Variants in CSMD2 observed in about 807,000 individuals in gnomAD.
CSMD2 encodes CUB and sushi domain-containing protein 2.
Under a neutral mutation model 398.5 loss-of-function variants are expected in CSMD2, and 130 were observed. The observed-to-expected ratio is 0.33, with a 90% CI of 0.28 to 0.38. CSMD2 has a LOEUF of 0.38. Among genes scored for constraint, CSMD2 ranks in the 10% least tolerant of loss-of-function variants. The pLI, the probability that CSMD2 is intolerant of heterozygous loss-of-function variation, is 1.00. For missense variants in CSMD2, 3,829 were observed against 4,764.9 expected, an observed-to-expected ratio of 0.80 and a Z score of 5.78; for synonymous variants, 1,828 against 1,908.5, an observed-to-expected ratio of 0.96 and a Z score of 1.10.
rs574581371 is a variant in CSMD2, at chr1:33,982,733, T to A, written c.518-46779A>T. On this transcript the variant is annotated intron_variant, in intron 3 of 70. Transcript: ENST00000373381. ...GGAGCAGCAGGTGCACAGGCAGAGA[T>A]GACCGCAAGGGCATGGCACCCTCAA... 4.6e-5 allele frequency among the ~76,000 whole-genome samples: 7 copies of A among 152,224 alleles called. No homozygotes were observed. The South Asian group carries it at 6.2e-4, about 14-fold the overall frequency.
intron 29 of CSMD2, among the ~76,000 whole-genome samples, chr1:33,645,520 A>G (rs901931076): frequency 6.6e-6 from 1 of 152,328 alleles, no homozygotes; most frequent in Admixed American, 6.5e-5. Flanking sequence ...TCAAGCAAGG[A>G]AGGGAGCTGG....
chr1:33,987,255 G>A (rs1465895901), intron 3 of CSMD2, among the ~76,000 whole-genome samples: 1 of 152,020 alleles, frequency 6.6e-6, no homozygotes, highest in Non-Finnish European at 1.5e-5. Context: ...CTATGCTATA[G>A]GTATGTTAAA....
At chr1:33,982,098 G>A (rs576737863) in intron 3 of CSMD2, among the ~76,000 whole-genome samples, 8 of 152,228 alleles carry the variant, frequency 5.3e-5, no homozygotes, top group South Asian at 2.1e-4. Context: ...GTGACAGGAC[G>A]GTGAAGAAAA....
Position 34,158,576 on chromosome 1 carries a change from A to G in CSMD2, c.187+6335T>C, listed in dbSNP as rs560095089. The stretch of plus-strand genomic sequence containing the variant: ...GGAGCAAAGAGAAAAGACTCCCCCC[A>G]CTGGGTATAGTGGTGCCAGAGAGTG... On this transcript the variant is annotated intron_variant, in intron 1 of 70. Transcript: ENST00000373381. Among the ~76,000 whole-genome samples, 7 of 152,258 alleles carry G rather than the reference A, an allele frequency of 4.6e-5. No homozygotes were observed. The South Asian group carries it at 1.5e-3, about 32-fold the overall frequency.
chr1:33,772,623 C>A lies in CSMD2; in HGVS notation c.1792G>T (p.Ala598Ser), dbSNP rs538186603. The change falls in exon 13 of 71, where the codon GCA (alanine) becomes TCA (serine). Residue 598 changes from alanine (A) to serine (S), a missense_variant. Physicochemically the swap from Ala to Ser is moderately conservative, Grantham distance 99. This residue lies in a region of CSMD2 where 2,001 missense variants were observed against 2,567.1 expected (regional missense o/e 0.78). Transcript: ENST00000373381. ...QPAFELVGQK[A>S]ITCQKNNQWS... ...TGGTTATTCTTTTGGCATGTGATTG[C>A]CTTCTGTCCCACCAGCTCAAAGGCG... The A allele has an allele frequency of 5.6e-6, 9 of 1,614,108 alleles. No individual in the cohort carries two copies. The highest frequency in any genetic ancestry group is 5.0e-5 in the Admixed American group (3 of 60,010).
chr1:33,928,008 A>T (rs562281316), intron 4 of CSMD2, among the ~76,000 whole-genome samples: 1 of 152,330 alleles, frequency 6.6e-6, no homozygotes, highest in East Asian at 1.9e-4. Flanking sequence ...AGAGACTGCC[A>T]GTCCCTGACT....
At chr1:34,121,723 G>A (rs1007335917) in intron 1 of CSMD2, among the ~76,000 whole-genome samples, 3 of 152,286 alleles carry the variant, frequency 2.0e-5, no homozygotes, top group African/African-American at 7.2e-5. Context: ...CCCTCTGGGA[G>A]TGGGACCCTG....
At chr1:34,040,891 G>A (rs1247365606) in intron 2 of CSMD2, among the ~76,000 whole-genome samples, 3 of 152,138 alleles carry the variant, frequency 2.0e-5, no homozygotes, top group East Asian at 3.9e-4. Flanking sequence ...TTGAGAGGCC[G>A]AGGCAGGAGT....
intron 25 of CSMD2, among the ~76,000 whole-genome samples, chr1:33,671,332 A>G (rs1168954723): frequency 6.6e-6 from 1 of 152,006 alleles, no homozygotes; most frequent in Non-Finnish European, 1.5e-5. Flanking sequence ...CATCTTGGGC[A>G]CTCATGATAA....
At chr1:34,127,829 A>C (rs1259710304) in intron 1 of CSMD2, among the ~76,000 whole-genome samples, 1 of 151,936 alleles carries the variant, frequency 6.6e-6, no homozygotes, top group Non-Finnish European at 1.5e-5. Flanking sequence ...TCCTAGTGGG[A>C]CAGTGGTTCA....
At chr1:34,155,821 G>A (rs993596668) in intron 1 of CSMD2, among the ~76,000 whole-genome samples, 2 of 152,158 alleles carry the variant, frequency 1.3e-5, no homozygotes, top group African/African-American at 4.8e-5. Flanking sequence ...CTCTTTGGAC[G>A]CTTCTTTTTT....
chr1:33,567,496 T>TATATATATATATATATATATA (rs61334036), intron 53 of CSMD2, 97 bp downstream of exon 53: 21 of 934,362 alleles, frequency 2.2e-5, no homozygotes, highest in African/African-American at 6.6e-5. Flanking sequence ...TATATATATA[T>TATATATATATATATATATATA]TTAAAACAAA....
At chr1:33,795,928 G>C (rs759965192) in intron 10 of CSMD2, among the ~76,000 whole-genome samples, 3 of 152,216 alleles carry the variant, frequency 2.0e-5, no homozygotes, top group Non-Finnish European at 2.9e-5. Flanking sequence ...TTACCATCTA[G>C]AACAAAAGTT....
At chr1:33,712,650 T>C (rs1048000724) in intron 21 of CSMD2, among the ~76,000 whole-genome samples, 2 of 152,246 alleles carry the variant, frequency 1.3e-5, no homozygotes, top group Non-Finnish European at 2.9e-5. Context: ...ATGAGATCAA[T>C]GAGGCAAGAG....
At chr1:33,931,264 C>T (rs1436408017) in intron 4 of CSMD2, among the ~76,000 whole-genome samples, 1 of 152,248 alleles carries the variant, frequency 6.6e-6, no homozygotes, top group Non-Finnish European at 1.5e-5. Flanking sequence ...GCTTTTAATG[C>T]TTCCCAAGTA....
chr1:34,132,735 T>C (rs977555753), intron 1 of CSMD2, among the ~76,000 whole-genome samples: 1 of 152,182 alleles, frequency 6.6e-6, no homozygotes, highest in Non-Finnish European at 1.5e-5. Context: ...TGCCATAAGA[T>C]ATCAGAGCTC....
intron 5 of CSMD2, among the ~76,000 whole-genome samples, chr1:33,849,409 A>G (rs1638535494): frequency 6.6e-6 from 1 of 152,254 alleles, no homozygotes; most frequent in East Asian, 1.9e-4. Context: ...CTGAGAGTAT[A>G]TACTGAGTGA....
chr1:33,973,798 T>C lies in CSMD2; in HGVS notation c.518-37844A>G, dbSNP rs114794684. Among the ~76,000 whole-genome samples the C allele has an allele frequency of 4.1e-3, 619 of 152,176 alleles. 5 individuals are homozygous for C. Among genetic ancestry groups the C allele is most frequent in the African/African-American group, 0.014 (574 of 41,524 alleles). Reference sequence around the variant, plus strand: ...CTAGGCAGATGCACTGAGGAGAAGGTGCCTTCTAGTTTGGGGAATGGGGAG... The same window carrying C: ...CTAGGCAGATGCACTGAGGAGAAGGCGCCTTCTAGTTTGGGGAATGGGGAG... On this transcript the variant is annotated intron_variant, in intron 3 of 70. Coordinates refer to ENST00000373381, the MANE Select transcript of CSMD2 (RefSeq NM_001281956.2).
intron 15 of CSMD2, among the ~76,000 whole-genome samples, chr1:33,727,971 C>T (rs1050804514): frequency 1.1e-4 from 17 of 152,156 alleles, no homozygotes; most frequent in Admixed American, 6.5e-4. Context: ...AGCTTACATA[C>T]GTAATCATGT....
Sources: gnomAD v4.1 joint callset for allele counts (sites outside exome capture counted in the v4.1 genomes callset) on GRCh38, gnomAD v4.1.1 for gene constraint, gnomAD v4.1.1 regional missense constraint, MANE v1.5 for transcripts, NCBI Gene and HGNC (gene_info 2026-07-23, HGNC 2026-07-21) for gene names.